CPQ: variants seen among roughly 807,000 people sequenced by gnomAD.
The protein encoded by CPQ is Ser-Met dipeptidase.
CPQ carries 37 observed loss-of-function variants against 45.7 expected under a neutral mutation model. The ratio of observed to expected loss-of-function variants is 0.81; its 90% CI spans 0.62 to 1.07. The LOEUF (loss-of-function observed/expected upper bound fraction) is 1.07, where lower values mean the gene tolerates loss of function less well. Among genes scored for constraint, CPQ ranks in the 50% least tolerant of loss-of-function variants. CPQ has a pLI of 0.00. For synonymous variants in CPQ, 186 were observed against 205.8 expected, an observed-to-expected ratio of 0.90 and a Z score of 0.82; for missense variants, 537 against 572.9, an observed-to-expected ratio of 0.94 and a Z score of 0.64.
chr8:96,835,219 AG>A (rs776316906), intron 3 of CPQ, 39 bp downstream of exon 3: 1 of 1,391,616 alleles, frequency 7.2e-7, no homozygotes, highest in Non-Finnish European at 9.4e-7. Context: ...TTCAAAAACA[AG>A]GGTTTTCCGT....
At chr8:97,050,538 A>G (rs1483081094) in intron 6 of CPQ, among the ~76,000 whole-genome samples, 1 of 152,140 alleles carries the variant, frequency 6.6e-6, no homozygotes, top group Non-Finnish European at 1.5e-5. Context: ...TATCTTTTGA[A>G]TTTTATACTG....
At chr8:97,001,311 T>C (rs1381340537) in intron 5 of CPQ, among the ~76,000 whole-genome samples, 2 of 152,158 alleles carry the variant, frequency 1.3e-5, no homozygotes, top group Non-Finnish European at 2.9e-5. Flanking sequence ...AATCCTTGTC[T>C]AGTGAAATCT....
intron 6 of CPQ, among the ~76,000 whole-genome samples, chr8:97,044,788 G>A (rs1013925795): frequency 7.9e-5 from 12 of 152,198 alleles, no homozygotes; most frequent in Non-Finnish European, 1.5e-4. Flanking sequence ...AGCGGTGGCT[G>A]CAGAACAGCG....
intron 4 of CPQ, among the ~76,000 whole-genome samples, chr8:96,917,984 G>C (rs373733914): frequency 6.6e-6 from 1 of 152,090 alleles, no homozygotes; most frequent in African/African-American, 2.4e-5. Flanking sequence ...GTTACCTTTA[G>C]CCGTATAGAG....
intron 5 of CPQ, among the ~76,000 whole-genome samples, chr8:96,983,163 A>G (rs1331745642): frequency 7.2e-5 from 11 of 152,182 alleles, no homozygotes; most frequent in African/African-American, 2.4e-4. Context: ...ATGGTATCAT[A>G]TAGTTTTTGT....
intron 1 of CPQ, among the ~76,000 whole-genome samples, chr8:96,679,128 T>G (rs980689715): frequency 1.3e-5 from 2 of 152,094 alleles, no homozygotes; most frequent in African/African-American, 4.8e-5. Flanking sequence ...GATATTCAGT[T>G]TTCCCATTTG....
At chr8:97,032,739 A>G (rs1395867753) in intron 6 of CPQ, among the ~76,000 whole-genome samples, 3 of 152,244 alleles carry the variant, frequency 2.0e-5, no homozygotes, top group Non-Finnish European at 4.4e-5. Flanking sequence ...TTGTCTAGCA[A>G]CACACAAAAA....
At chr8:96,750,132 A>G (rs1311878422) in intron 1 of CPQ, among the ~76,000 whole-genome samples, 2 of 151,748 alleles carry the variant, frequency 1.3e-5, no homozygotes, top group Non-Finnish European at 2.9e-5. Context: ...ATATACATGT[A>G]TATATATATT....
At chr8:97,097,753 T>G (rs1811232798) in intron 7 of CPQ, among the ~76,000 whole-genome samples, 1 of 152,186 alleles carries the variant, frequency 6.6e-6, no homozygotes, top group East Asian at 1.9e-4. Context: ...CCCTAAGGTC[T>G]CAGAGCCTTG....
chr8:97,112,135 A>AT (rs1406274799), intron 7 of CPQ, among the ~76,000 whole-genome samples: 1 of 148,344 alleles, frequency 6.7e-6, no homozygotes, highest in Non-Finnish European at 1.5e-5. Flanking sequence ...TTAATGCCTT[A>AT]TTTTTTATTA....
intron 4 of CPQ, among the ~76,000 whole-genome samples, chr8:96,954,406 A>C (rs1813318956): frequency 6.6e-6 from 1 of 152,132 alleles, no homozygotes; most frequent in Non-Finnish European, 1.5e-5. Context: ...ATGAGTGTTG[A>C]CTTTAAAAAT....
intron 2 of CPQ, among the ~76,000 whole-genome samples, chr8:96,796,677 A>G (rs910388503): frequency 6.6e-5 from 10 of 152,164 alleles, no homozygotes; most frequent in African/African-American, 1.9e-4. Context: ...AGATTGGTGA[A>G]TGCCATGCTT....
intron 6 of CPQ, among the ~76,000 whole-genome samples, chr8:97,057,549 A>G (rs750756671): frequency 3.0e-4 from 45 of 152,184 alleles, no homozygotes; most frequent in Non-Finnish European, 4.7e-4. Flanking sequence ...AGCTAGAGCT[A>G]AATTATATCC....
chr8:97,137,399 A>C (rs1812078482), intron 7 of CPQ, among the ~76,000 whole-genome samples: 2 of 152,118 alleles, frequency 1.3e-5, no homozygotes, highest in Non-Finnish European at 2.9e-5. Context: ...TGACATCCAC[A>C]ATTCTAATTC....
At chr8:96,867,305 A>C (rs2130871486) in intron 3 of CPQ, among the ~76,000 whole-genome samples, 1 of 152,220 alleles carries the variant, frequency 6.6e-6, no homozygotes, top group East Asian at 1.9e-4. Context: ...AAAGCTCAGC[A>C]ACAGAATCAA....
At chr8:97,027,786 T>C (rs1016137857) in intron 5 of CPQ, among the ~76,000 whole-genome samples, 1 of 152,242 alleles carries the variant, frequency 6.6e-6, no homozygotes, top group Non-Finnish European at 1.5e-5. Flanking sequence ...AATCTAGGAA[T>C]TGGCGACATT....
intron 1 of CPQ, among the ~76,000 whole-genome samples, chr8:96,735,881 C>G (rs2130773980): frequency 6.6e-6 from 1 of 152,268 alleles, no homozygotes; most frequent in East Asian, 1.9e-4. Flanking sequence ...ATTTAGTATA[C>G]TGCCTTCGTC....
At position 96,745,294 on chromosome 8, in the gene CPQ, C is replaced by G. The variant is rs532519530; in HGVS notation, c.-34-39570C>G. On this transcript the variant is annotated intron_variant, in intron 1 of 7. Transcript: ENST00000220763. Reference sequence around the variant, plus strand: ...TTGCACTCCAGCCTGGGCGACAGAGCAAGACTCCATCTCAAAAAAAAAAAT... The same window carrying G: ...TTGCACTCCAGCCTGGGCGACAGAGGAAGACTCCATCTCAAAAAAAAAAAT... 3.3e-5 allele frequency among the ~76,000 whole-genome samples: 5 copies of G among 151,580 alleles called. No individual in the cohort carries two copies. In the South Asian group the frequency reaches 8.3e-4, roughly 25 times the overall value.
chr8:96,938,530 C>T (rs567403184), intron 4 of CPQ, among the ~76,000 whole-genome samples: 153 of 152,038 alleles, frequency 1.0e-3, no homozygotes, highest in African/African-American at 3.5e-3. Context: ...TCTGAAGGGG[C>T]ACAGAGAGGA....
Sources: gnomAD v4.1 joint callset for allele counts (sites outside exome capture counted in the v4.1 genomes callset) on GRCh38, gnomAD v4.1.1 for gene constraint, MANE v1.5 for transcripts, NCBI Gene and HGNC (gene_info 2026-07-23, HGNC 2026-07-21) for gene names.